The following LMAN2L variants were observed in gnomAD, a reference collection of about 807,000 sequenced individuals.
The protein encoded by LMAN2L is lectin, mannose binding 2 like, also known as VIP36-like protein.
A neutral mutation model predicts 44.3 loss-of-function variants in LMAN2L; 30 were observed. The ratio of observed to expected loss-of-function variants is 0.68; its 90% CI spans 0.51 to 0.92. LMAN2L has a LOEUF of 0.92. Among genes scored for constraint, LMAN2L ranks in the 40% least tolerant of loss-of-function variants. The probability of loss-of-function intolerance (pLI) is 0.00; values close to 1 mark genes in which losing one functional copy is unlikely to be tolerated. For missense variants in LMAN2L, 429 were observed against 446.1 expected (o/e 0.96, Z 0.35); for synonymous variants, 183 against 171.1 (o/e 1.07, Z -0.54).
chr2:96,738,347 C>T (rs998843364), intron 1 of LMAN2L, among the ~76,000 whole-genome samples: 3 of 152,154 alleles, frequency 2.0e-5, no homozygotes, highest in Admixed American at 6.6e-5. Flanking sequence ...TAAACTTCAG[C>T]ATCGTAAAAG....
At chr2:96,737,168 G>A (rs900902537) in intron 2 of LMAN2L, 1 of 456,096 alleles carries the variant, frequency 2.2e-6, no homozygotes, top group Non-Finnish European at 4.4e-6. Flanking sequence ...AGCCACACCA[G>A]GAATACTGCA....
intron 4 of LMAN2L, among the ~76,000 whole-genome samples, chr2:96,732,794 T>TC (rs981743475): frequency 6.7e-6 from 1 of 150,224 alleles, no homozygotes; most frequent in African/African-American, 2.4e-5. Flanking sequence ...TTTCTTTCTT[T>TC]TTTTTTTTTT....
At chr2:96,737,702 C>A (rs1180559692) in intron 2 of LMAN2L, among the ~76,000 whole-genome samples, 6 of 151,974 alleles carry the variant, frequency 3.9e-5, no homozygotes, top group Non-Finnish European at 7.4e-5. Flanking sequence ...TACTATTGGG[C>A]CAATCAGGAA....
chr2:96,708,817 G>A (rs1364620027), intron 6 of LMAN2L, among the ~76,000 whole-genome samples: 2 of 151,326 alleles, frequency 1.3e-5, no homozygotes, highest in East Asian at 3.9e-4. Flanking sequence ...AGAAGATCAA[G>A]CAATTAGGGA....
At chr2:96,712,785 T>C (rs1354854588) in intron 4 of LMAN2L, among the ~76,000 whole-genome samples, 2 of 152,200 alleles carry the variant, frequency 1.3e-5, no homozygotes, top group East Asian at 3.9e-4. Context: ...TTCCCATCTA[T>C]TTCAGGGGCC....
chr2:96,734,396 A>G lies in LMAN2L; in HGVS notation c.424+13T>C, dbSNP rs1189036636. 6.7e-7 allele frequency: 1 copy of G among 1,498,144 alleles called. No individual in the cohort carries two copies. Among genetic ancestry groups the G allele is most frequent in the South Asian group, 1.1e-5 (1 of 88,822 alleles). The allele number at this position is 1,498,144 out of a possible 1,614,324, so 92.8% of individuals were successfully genotyped here. ...TGTCACACCCACACAAGAGTAACAC[A>G]GGCTCCCAATACCTGGCTGCATCCG... On this transcript the variant is annotated intron_variant, in intron 3 of 7. Coordinates refer to ENST00000264963, the MANE Select transcript of LMAN2L (RefSeq NM_030805.4).
At chr2:96,733,209 G>A (rs1341004084) in intron 4 of LMAN2L, among the ~76,000 whole-genome samples, 1 of 152,198 alleles carries the variant, frequency 6.6e-6, no homozygotes, top group Non-Finnish European at 1.5e-5. Flanking sequence ...GCTTGCTCTG[G>A]TGCTGGTCTA....
At chr2:96,729,067 G>A (rs940857481) in intron 4 of LMAN2L, among the ~76,000 whole-genome samples, 2 of 149,630 alleles carry the variant, frequency 1.3e-5, no homozygotes, top group South Asian at 2.1e-4. Context: ...AGCTACTCAG[G>A]AGGCTGAAGC....
At chr2:96,729,317 T>C (rs2078343356) in intron 4 of LMAN2L, among the ~76,000 whole-genome samples, 1 of 151,900 alleles carries the variant, frequency 6.6e-6, no homozygotes, top group Non-Finnish European at 1.5e-5. Context: ...TGGAATCTGG[T>C]GGACCTGTGC....
chr2:96,730,259 T>C (rs1372931575), intron 4 of LMAN2L, among the ~76,000 whole-genome samples: 2 of 152,126 alleles, frequency 1.3e-5, no homozygotes, highest in Non-Finnish European at 2.9e-5. Flanking sequence ...ATAACTCTTA[T>C]TCAGATCCAT....
At chr2:96,708,190 G>T (rs2077827645) in intron 6 of LMAN2L, among the ~76,000 whole-genome samples, 1 of 152,244 alleles carries the variant, frequency 6.6e-6, no homozygotes, top group Non-Finnish European at 1.5e-5. Flanking sequence ...GCGATGTGTA[G>T]TACAACACTC....
intron 4 of LMAN2L, among the ~76,000 whole-genome samples, chr2:96,713,892 C>CG (rs2077981358): frequency 6.6e-6 from 1 of 152,174 alleles, no homozygotes; most frequent in Non-Finnish European, 1.5e-5. Flanking sequence ...AAGCCATTAG[C>CG]GACAAGAGGT....
intron 2 of LMAN2L, chr2:96,737,104 G>A (rs1452860830): frequency 4.4e-6 from 2 of 453,194 alleles, no homozygotes; most frequent in African/African-American, 2.0e-5. Context: ...GATTTAGAAA[G>A]CCCTGGAAAC....
At chr2:96,729,589 ACCT>A (rs2078349703) in intron 4 of LMAN2L, among the ~76,000 whole-genome samples, 1 of 151,572 alleles carries the variant, frequency 6.6e-6, no homozygotes, top group African/African-American at 2.4e-5. Flanking sequence ...GCTCACTGCA[ACCT>A]CCGTCTCCCA....
At chr2:96,721,290 T>C (rs1000201061) in intron 4 of LMAN2L, among the ~76,000 whole-genome samples, 1 of 151,682 alleles carries the variant, frequency 6.6e-6, no homozygotes, top group Non-Finnish European at 1.5e-5. Flanking sequence ...GGGTCATCCA[T>C]GTTGGAGCAC....
At chr2:96,712,873 C>T (rs1262112444) in intron 4 of LMAN2L, among the ~76,000 whole-genome samples, 1 of 152,178 alleles carries the variant, frequency 6.6e-6, no homozygotes, top group Admixed American at 6.5e-5. Context: ...AGCCCAATGC[C>T]AAGGCAGTGC....
intron 4 of LMAN2L, among the ~76,000 whole-genome samples, chr2:96,715,216 C>T (rs1451099432): frequency 6.6e-6 from 1 of 152,188 alleles, no homozygotes; most frequent in Non-Finnish European, 1.5e-5. Context: ...GGATTACAGG[C>T]GTGAGCCACC....
At chr2:96,723,103 A>G (rs1456316334) in intron 4 of LMAN2L, among the ~76,000 whole-genome samples, 2 of 152,240 alleles carry the variant, frequency 1.3e-5, no homozygotes. Context: ...TGTAAAGTCT[A>G]TGTTTAGTCA....
chr2:96,709,003 C>T (rs183378469), intron 6 of LMAN2L, among the ~76,000 whole-genome samples: 1 of 151,136 alleles, frequency 6.6e-6, no homozygotes, highest in Admixed American at 6.6e-5. Context: ...CAACCTCTGC[C>T]TCCCAGGTTC....
Sources: allele counts gnomAD v4.1 joint callset (sites outside exome capture counted in the v4.1 genomes callset), GRCh38; gene constraint gnomAD v4.1.1; transcripts MANE v1.5; gene names NCBI Gene and HGNC (gene_info 2026-07-23, HGNC 2026-07-21).